The following HEATR5A variants were observed in gnomAD, a reference collection of about 807,000 sequenced individuals.
HEATR5A encodes HEAT repeat containing 5A, also known as HEAT repeat-containing protein 5A.
A neutral mutation model predicts 218.8 loss-of-function variants in HEATR5A; 178 were observed. The observed-to-expected ratio is 0.81, with a 90% CI of 0.72 to 0.92. HEATR5A has a LOEUF of 0.92. Among genes scored for constraint, HEATR5A ranks in the 40% least tolerant of loss-of-function variants. The pLI is 0.00. For synonymous variants in HEATR5A, 864 were observed against 871.6 expected, an observed-to-expected ratio of 0.99 and a Z score of 0.15; for missense variants, 2,420 against 2,418.9, an observed-to-expected ratio of 1.00 and a Z score of -0.01.
Position 31,304,982 on chromosome 14 carries a change from A to T in HEATR5A, c.5162T>A (p.Leu1721Gln), listed in dbSNP as rs61738370. ...AACCAATCTACTTCCATCTTCTAAT[A>T]GTATCTGTGGCTTCGTAGCTTTTAC... is the stretch of plus-strand genomic sequence containing the variant. ...PGVKATKPQILLEDGSRLVSA... is the reference protein window; with the variant it reads ...PGVKATKPQIQLEDGSRLVSA... The change falls in exon 32 of 36, where the codon CTA becomes CAA. Residue 1721 changes from leucine (L) to glutamine (Q), a missense_variant. By Grantham distance (113) the Leu-to-Gln change is moderately radical (BLOSUM62 -2). Coordinates refer to ENST00000543095, the MANE Select transcript of HEATR5A (RefSeq NM_015473.4). 2.5e-6 allele frequency: 4 copies of T among 1,613,990 alleles called. No homozygotes were observed. The South Asian group carries it at 4.4e-5, about 18-fold the overall frequency.
chr14:31,380,712 T>C, intron 10 of HEATR5A, 134 bp from the exon 11 acceptor site: 1 of 642,328 alleles, frequency 1.6e-6, no homozygotes, highest in Admixed American at 2.7e-5. Flanking sequence ...GTCATTCGTG[T>C]AGACTACATA....
In HEATR5A at chr14:31,417,759, A is replaced by C. The variant is rs537560708; in HGVS notation, c.-75+2713T>G. 5.3e-5 allele frequency among the ~76,000 whole-genome samples: 8 copies of C among 152,072 alleles called. No individual in the cohort carries two copies. In the South Asian group the frequency reaches 1.7e-3, roughly 32 times the overall value. ...AGCGAGACTCCATCTCAAAAAAAAA[A>C]AAAAAGGAGAGAGTTGCCAAAATTA... On this transcript the variant is annotated intron_variant, in intron 1 of 35. Transcript: ENST00000543095.
intron 10 of HEATR5A, among the ~76,000 whole-genome samples, chr14:31,381,351 C>T (rs1015231685): frequency 6.6e-6 from 1 of 151,954 alleles, no homozygotes; most frequent in Non-Finnish European, 1.5e-5. Context: ...AAAATAGTCT[C>T]ATACTGAAGA....
chr14:31,369,887 T>A (rs1297951901), intron 13 of HEATR5A, among the ~76,000 whole-genome samples: 1 of 146,964 alleles, frequency 6.8e-6, no homozygotes, highest in African/African-American at 2.5e-5. Flanking sequence ...TGACCGGAGA[T>A]CGCGCCACTG....
At chr14:31,299,850 G>A (rs1899310201) in intron 33 of HEATR5A, among the ~76,000 whole-genome samples, 1 of 150,688 alleles carries the variant, frequency 6.6e-6, no homozygotes, top group South Asian at 2.1e-4. Flanking sequence ...GACCAACATG[G>A]TGAAACCGTC....
intron 1 of HEATR5A, among the ~76,000 whole-genome samples, chr14:31,407,124 C>G (rs896640706): frequency 1.4e-5 from 2 of 145,890 alleles, no homozygotes; most frequent in Non-Finnish European, 3.1e-5. Flanking sequence ...ACCCCCATCT[C>G]TACAAAAAAT....
chr14:31,366,448 G>A (rs949269664), intron 13 of HEATR5A, among the ~76,000 whole-genome samples: 1 of 152,084 alleles, frequency 6.6e-6, no homozygotes, highest in Non-Finnish European at 1.5e-5. Context: ...TAAAAATCCT[G>A]CAACGTTCAC....
chr14:31,405,681 G>C (rs948027590), intron 1 of HEATR5A, among the ~76,000 whole-genome samples: 3 of 152,166 alleles, frequency 2.0e-5, no homozygotes, highest in African/African-American at 7.2e-5. Context: ...TGTTTGGGGG[G>C]TGGAAATAAC....
rs748710053 is a variant in HEATR5A, at chr14:31,349,873, G to A, written c.2624C>T (p.Ala875Val). 2 of 1,612,226 alleles carry A rather than the reference G, an allele frequency of 1.2e-6. No individual in the cohort carries two copies. The highest frequency in any genetic ancestry group is 3.3e-5 in the Admixed American group (2 of 59,912). ...TAATCTAGCCCATGACTCTGCAGCT[G>A]CACATCTCAGCAAGGGGTTGGGGCT... is the stretch of plus-strand genomic sequence containing the variant. ...LESPNPLLRC[A>V]AAESWARLAQ... Residue 875 changes from alanine (A) to valine (V), a missense_variant, in exon 18 of 36, where the codon GCA becomes GTA. Physicochemically the swap from Ala to Val is moderately conservative, Grantham distance 64 (BLOSUM62 0). Coordinates refer to ENST00000543095, the MANE Select transcript of HEATR5A (RefSeq NM_015473.4).
chr14:31,318,156 T>TA (rs1208558718), intron 26 of HEATR5A, 68 bp downstream of exon 26: 6 of 1,342,808 alleles, frequency 4.5e-6, no homozygotes, highest in South Asian at 2.4e-5. Flanking sequence ...AAAACATTGG[T>TA]AAAAAAATAC....
intron 1 of HEATR5A, among the ~76,000 whole-genome samples, chr14:31,415,160 C>T (rs1301301138): frequency 6.6e-6 from 1 of 152,114 alleles, no homozygotes; most frequent in African/African-American, 2.4e-5. Flanking sequence ...TAATTCACAA[C>T]CTACCTCATA....
Position 31,343,915 on chromosome 14 carries a change from CTA to C in HEATR5A, c.3207_3208del (p.Ser1070ProfsTer3). ...ACTCACACAGAGGCAGCTAACCAGG[CTA>C]GACAAGTTGACATGTCGTGGAGCAA... On this transcript the variant is annotated frameshift_variant, in exon 21 of 36. Coordinates refer to ENST00000543095, the MANE Select transcript of HEATR5A (RefSeq NM_015473.4). LOFTEE classifies it high-confidence loss of function. 6.2e-7 allele frequency: 1 copy of C among 1,604,532 alleles called. No individual in the cohort carries two copies. Among genetic ancestry groups the C allele is most frequent in the East Asian group, 2.2e-5 (1 of 44,824 alleles).
At position 31,387,187 on chromosome 14, in the gene HEATR5A, T is replaced by G. The variant is rs2030259955; in HGVS notation, c.1122A>C (p.Gly374=). ...ILRTTIGGLL[G]EKAQLAAVKD... ...TTACAGCAGCAAGCTGAGCCTTTTC[T>G]CCAAGAAGACCACCTATAGTAGTTC... Residue 374 remains glycine, a synonymous_variant, in exon 8 of 36, where the codon GGA becomes GGC. Coordinates refer to ENST00000543095, the MANE Select transcript of HEATR5A (RefSeq NM_015473.4). The G allele has an allele frequency of 6.2e-7, 1 of 1,613,658 alleles. No individual in the cohort carries two copies. Among genetic ancestry groups the G allele is most frequent in the Non-Finnish European group, 8.5e-7 (1 of 1,179,804 alleles).
At chr14:31,332,458 AG>A (rs150104741) in intron 22 of HEATR5A, among the ~76,000 whole-genome samples, 1 of 152,330 alleles carries the variant, frequency 6.6e-6, no homozygotes, top group East Asian at 1.9e-4. Context: ...TTCATGTGAA[AG>A]GAAGAGTCAC....
Position 31,293,136 on chromosome 14 carries a change from C to T in HEATR5A, c.*169G>A. On this transcript the variant is annotated 3_prime_UTR_variant, in exon 36 of 36. Transcript: ENST00000543095. Reference sequence around the variant, plus strand: ...CAAAACAAAACACAAACCCCACGCACACACACAAAAATGTTAAGTATGCTG... The same window carrying T: ...CAAAACAAAACACAAACCCCACGCATACACACAAAAATGTTAAGTATGCTG... 1 of 509,634 alleles carries T rather than the reference C, an allele frequency of 2.0e-6. No homozygotes were observed. The highest frequency in any genetic ancestry group is 3.1e-5 in the East Asian group (1 of 32,328). 31.6% of individuals were successfully genotyped at this position (509,634 alleles called of 1,614,324 possible).
intron 7 of HEATR5A, among the ~76,000 whole-genome samples, chr14:31,388,618 T>C (rs903941628): frequency 7.2e-5 from 11 of 152,136 alleles, no homozygotes; most frequent in Admixed American, 2.6e-4. Flanking sequence ...TCAAAGAAAA[T>C]TAAAATGTTC....
chr14:31,302,282 T>C lies in HEATR5A; in HGVS notation c.5464+13A>G, dbSNP rs747508332. 1 of 1,549,986 alleles carries C rather than the reference T, an allele frequency of 6.5e-7. No individual in the cohort carries two copies. On this transcript the variant is annotated intron_variant, in intron 33 of 35. Coordinates refer to ENST00000543095, the MANE Select transcript of HEATR5A (RefSeq NM_015473.4). ...TAAGACAAACTGAACTGCTTCCAAA[T>C]AGCCTCAATTACCTGGATCCCAACA... is the stretch of plus-strand genomic sequence containing the variant.
intron 16 of HEATR5A, among the ~76,000 whole-genome samples, chr14:31,352,727 G>A (rs1901276059): frequency 6.6e-6 from 1 of 152,150 alleles, no homozygotes; most frequent in African/African-American, 2.4e-5. Context: ...GGAAGCCAAG[G>A]TGGGAAGATC....
At chr14:31,341,794 A>C (rs917304720) in intron 21 of HEATR5A, among the ~76,000 whole-genome samples, 1 of 152,154 alleles carries the variant, frequency 6.6e-6, no homozygotes, top group Non-Finnish European at 1.5e-5. Context: ...CAGGTAAAGG[A>C]GAAATTTTAT....
Sources: allele counts gnomAD v4.1 joint callset (sites outside exome capture counted in the v4.1 genomes callset), GRCh38; gene constraint gnomAD v4.1.1; transcripts MANE v1.5; gene names NCBI Gene and HGNC (gene_info 2026-07-23, HGNC 2026-07-21).